The following KIF27 variants were observed in gnomAD, a reference collection of about 807,000 sequenced individuals.
The protein encoded by KIF27 is kinesin-like protein KIF27.
In KIF27, 84 loss-of-function variants were observed where a neutral mutation model predicts 141.8. The observed-to-expected ratio is 0.59, with a 90% CI of 0.50 to 0.71. KIF27 has a LOEUF of 0.71. KIF27 is among the 30% of genes least tolerant of loss of function. KIF27 has a pLI of 0.00. For synonymous variants in KIF27, 471 were observed against 569.5 expected, an observed-to-expected ratio of 0.83 and a Z score of 2.46; for missense variants, 1,306 against 1,628.4, an observed-to-expected ratio of 0.80 and a Z score of 3.41.
At chr9:83,870,409 C>T in intron 12 of KIF27, 110 bp downstream of exon 12, 1 of 1,466,396 alleles carries the variant, frequency 6.8e-7, no homozygotes, top group Non-Finnish European at 9.2e-7. Flanking sequence ...GCAGGTGATC[C>T]ACCCACCTCG....
chr9:83,899,813 G>A lies in KIF27; in HGVS notation c.1459-9C>T. ...TCAGCAGCAAGCACACACTAGTGGGGAAAGAAAGCACAAGTGACATTCACC... is the reference window on the plus strand; with the variant it reads ...TCAGCAGCAAGCACACACTAGTGGGAAAAGAAAGCACAAGTGACATTCACC... On this transcript the variant is annotated splice_polypyrimidine_tract_variant and intron_variant, in intron 4 of 17. Coordinates refer to ENST00000297814, the MANE Select transcript of KIF27 (RefSeq NM_017576.4). 6.3e-6 allele frequency: 10 copies of A among 1,596,338 alleles called. No homozygotes were observed. Among genetic ancestry groups the A allele is most frequent in the Non-Finnish European group, 7.7e-6 (9 of 1,169,862 alleles).
At chr9:83,839,296 A>G (rs1443065783) in intron 17 of KIF27, among the ~76,000 whole-genome samples, 3 of 152,222 alleles carry the variant, frequency 2.0e-5, no homozygotes. Flanking sequence ...TCTTCACAAG[A>G]AAGTTTCCCT....
At chr9:83,850,655 C>T (rs577270323) in intron 15 of KIF27, among the ~76,000 whole-genome samples, 8 of 151,174 alleles carry the variant, frequency 5.3e-5, no homozygotes, top group African/African-American at 1.9e-4. Context: ...TGGTGGTGCA[C>T]GCCTGTAATC....
chr9:83,917,998 T>C (rs893991780), intron 1 of KIF27, among the ~76,000 whole-genome samples: 1 of 152,172 alleles, frequency 6.6e-6, no homozygotes, highest in African/African-American at 2.4e-5. Context: ...ATATGTACAA[T>C]GATTTTGTCA....
chr9:83,880,408 A>G lies in KIF27; in HGVS notation c.2532T>C (p.Ser844=). Reference sequence around the variant, plus strand: ...TCTTTTGATATTTCATGTGATCTACACTCTGCTCTAGCTCATTAGCACGTT... The same window carrying G: ...TCTTTTGATATTTCATGTGATCTACGCTCTGCTCTAGCTCATTAGCACGTT... ...NEKRANELEQ[S]VDHMKYQKIQ... is the part of the protein sequence containing the mutation. The change falls in exon 11 of 18, where the codon AGT becomes AGC. Residue 844 remains serine (S), a synonymous_variant. Transcript: ENST00000297814. 6.2e-7 allele frequency: 1 copy of G among 1,613,068 alleles called. No homozygotes were observed. Among genetic ancestry groups the G allele is most frequent in the Middle Eastern group, 1.7e-4 (1 of 6,056 alleles).
intron 10 of KIF27, 130 bp downstream of exon 10, chr9:83,883,683 A>C (rs1951856245): frequency 9.5e-6 from 6 of 629,732 alleles, no homozygotes; most frequent in Admixed American, 2.9e-5. Flanking sequence ...AGCACACTAC[A>C]AAAGAAAAGT....
intron 2 of KIF27, among the ~76,000 whole-genome samples, chr9:83,914,950 CTTAATA>C (rs1459250233): frequency 6.6e-6 from 1 of 152,276 alleles, no homozygotes; most frequent in African/African-American, 2.4e-5. Context: ...TTGCGGGACT[CTTAATA>C]TTTACAACTG....
chr9:83,891,399 C>G lies in KIF27; in HGVS notation c.1705G>C (p.Asp569His), dbSNP rs1288640763. 1.2e-6 allele frequency: 2 copies of G among 1,613,912 alleles called. No individual in the cohort carries two copies. The highest frequency in any genetic ancestry group is 1.1e-5 in the South Asian group (1 of 91,074). ...TCAGGGATCCTGGCATCTGGCCCATCTCCACAATTTTCTTTAGCTGAAGAA... is the reference window on the plus strand; with the variant it reads ...TCAGGGATCCTGGCATCTGGCCCATGTCCACAATTTTCTTTAGCTGAAGAA... ...VTSSAKENCG[D>H]GPDARIPERR... Residue 569 changes from aspartate to histidine, a missense_variant, in exon 6 of 18, where the codon GAT (aspartate) becomes CAT (histidine). By Grantham distance (81) the Asp-to-His change is moderately conservative. This residue lies in a region of KIF27 where 596 missense variants were observed against 751.6 expected (regional missense o/e 0.79). Transcript: ENST00000297814.
chr9:83,853,558 A>G (rs1344351445), intron 15 of KIF27, 71 bp downstream of exon 15: 1 of 1,032,430 alleles, frequency 9.7e-7, no homozygotes, highest in African/African-American at 1.6e-5. Context: ...TTAAAAATTC[A>G]AAATAAATAT....
chr9:83,853,949 A>G (rs1239477547), intron 14 of KIF27, 114 bp from the exon 15 acceptor site: 5 of 768,678 alleles, frequency 6.5e-6, no homozygotes, highest in Non-Finnish European at 1.0e-5. Flanking sequence ...CTCTTGTACT[A>G]GATTTTAAGA....
At chr9:83,888,274 C>T (rs1952307795) in intron 8 of KIF27, among the ~76,000 whole-genome samples, 1 of 151,388 alleles carries the variant, frequency 6.6e-6, no homozygotes, top group Non-Finnish European at 1.5e-5. Flanking sequence ...ATATCTCTCG[C>T]TATAATTAAT....
At chr9:83,879,235 TACC>T (rs1231922114) in intron 11 of KIF27, among the ~76,000 whole-genome samples, 4 of 150,632 alleles carry the variant, frequency 2.7e-5, no homozygotes, top group Non-Finnish European at 5.9e-5. Flanking sequence ...ATATATATTT[TACC>T]ACAACTTAAA....
intron 6 of KIF27, among the ~76,000 whole-genome samples, chr9:83,891,005 G>A (rs913451451): frequency 9.9e-5 from 15 of 152,162 alleles, no homozygotes; most frequent in African/African-American, 3.6e-4. Flanking sequence ...ATAAATTCAT[G>A]TAGATATTAA....
At chr9:83,847,516 G>C (rs1947447031) in intron 16 of KIF27, 1 of 152,142 alleles carries the variant, frequency 6.6e-6, no homozygotes, top group Admixed American at 6.5e-5. Context: ...GATTATGTAT[G>C]ATCTCAGGAG....
chr9:83,910,280 T>C (rs939940103), intron 2 of KIF27, among the ~76,000 whole-genome samples: 5 of 152,144 alleles, frequency 3.3e-5, no homozygotes, highest in African/African-American at 1.2e-4. Context: ...AGATGATATA[T>C]AATTTCTAAA....
chr9:83,889,690 G>A (rs1184982133), intron 6 of KIF27, among the ~76,000 whole-genome samples: 1 of 151,654 alleles, frequency 6.6e-6, no homozygotes, highest in Non-Finnish European at 1.5e-5. Context: ...ACCACAGGAA[G>A]AAACCCAGAG....
chr9:83,876,896 C>T (rs1032011171), intron 11 of KIF27, among the ~76,000 whole-genome samples: 4 of 152,014 alleles, frequency 2.6e-5, no homozygotes, highest in African/African-American at 9.7e-5. Flanking sequence ...GGAAATATAG[C>T]AAGACACTGT....
chr9:83,879,371 G>C, intron 11 of KIF27, among the ~76,000 whole-genome samples: 1 of 150,508 alleles, frequency 6.6e-6, no homozygotes, highest in Non-Finnish European at 1.5e-5. Context: ...GAAAATCTAG[G>C]AAATCTGGGG....
chr9:83,856,327 AG>A (rs1163304344), intron 14 of KIF27, among the ~76,000 whole-genome samples: 1 of 152,062 alleles, frequency 6.6e-6, no homozygotes, highest in East Asian at 1.9e-4. Context: ...TGTTCTCGGC[AG>A]GGTGTGGTGG....
Sources: allele counts gnomAD v4.1 joint callset (sites outside exome capture counted in the v4.1 genomes callset), GRCh38; gene constraint gnomAD v4.1.1; regional missense constraint gnomAD v4.1.1; transcripts MANE v1.5; gene names NCBI Gene and HGNC (gene_info 2026-07-23, HGNC 2026-07-21).